Variants in LINGO2 observed in about 807,000 individuals in gnomAD.
The protein encoded by LINGO2 is leucine rich repeat and Ig domain containing 2.
A neutral mutation model predicts 30.6 loss-of-function variants in LINGO2; 14 were observed. The ratio of observed to expected loss-of-function variants is 0.46; its 90% CI spans 0.30 to 0.72. The LOEUF (loss-of-function observed/expected upper bound fraction) is 0.72. LINGO2 is among the 30% of genes least tolerant of loss of function. LINGO2 has a pLI of 0.07. For missense variants in LINGO2, 729 were observed against 751.7 expected (o/e 0.97, Z 0.35); for synonymous variants, 317 against 288.5 (o/e 1.10, Z -1.00).
At chr9:29,166,476 A>G in the LINGO2 span, among the ~76,000 whole-genome samples, 11 of 152,108 alleles carry the variant, frequency 7.2e-5, no homozygotes, top group African/African-American at 2.2e-4. Context: ...TTTGCCCCCA[A>G]TAGGCATTTG....
chr9:28,970,638 A>G, the LINGO2 span, among the ~76,000 whole-genome samples: 1 of 152,078 alleles, frequency 6.6e-6, no homozygotes, highest in African/African-American at 2.4e-5. Context: ...AGAAAAGAAA[A>G]CTAGACCAGA....
chr9:28,065,724 C>T (rs1337804116), intron 4 of LINGO2, among the ~76,000 whole-genome samples: 6 of 152,036 alleles, frequency 3.9e-5, no homozygotes. Context: ...ATGGTATAAA[C>T]CATAGTTTCC....
chr9:28,050,180 AAAG>A (rs1163824204), intron 4 of LINGO2, among the ~76,000 whole-genome samples: 2 of 150,590 alleles, frequency 1.3e-5, no homozygotes, highest in African/African-American at 4.9e-5. Context: ...TTCTGAATAA[AAAG>A]GAGGAACAAA....
intron 2 of LINGO2, among the ~76,000 whole-genome samples, chr9:28,431,791 T>A (rs900279233): frequency 1.3e-5 from 2 of 152,212 alleles, no homozygotes; most frequent in African/African-American, 4.8e-5. Flanking sequence ...TGGGCTATTT[T>A]AAATGTTTTA....
chr9:29,125,235 G>A, the LINGO2 span, among the ~76,000 whole-genome samples: 1 of 152,002 alleles, frequency 6.6e-6, no homozygotes, highest in Non-Finnish European at 1.5e-5. Context: ...ACAGGGAGGG[G>A]AATATCACAC....
At chr9:28,593,666 A>G (rs746431632) in intron 1 of LINGO2, among the ~76,000 whole-genome samples, 1 of 152,086 alleles carries the variant, frequency 6.6e-6, no homozygotes, top group Non-Finnish European at 1.5e-5. Context: ...TTAATCAAAA[A>G]TCAAAATAAA....
intron 1 of LINGO2, among the ~76,000 whole-genome samples, chr9:28,512,580 G>GATATATATATAT (rs1820433358): frequency 1.1e-5 from 1 of 87,120 alleles, no homozygotes; most frequent in Non-Finnish European, 2.1e-5. Flanking sequence ...GAACTAACAG[G>GATATATATATAT]ATATATATGT....
intron 5 of LINGO2, among the ~76,000 whole-genome samples, chr9:28,003,011 C>A (rs947351903): frequency 4.0e-5 from 6 of 151,600 alleles, no homozygotes; most frequent in African/African-American, 1.5e-4. Flanking sequence ...ACCTGTGACC[C>A]CCAAATGGAA....
Position 28,645,114 on chromosome 9 carries a change from G to A in LINGO2, c.-365+25086C>T, listed in dbSNP as rs141071506. ...ATACCACAGCTATATTCTCTTATCC[G>A]ATGGTTCTAAAATCCAGCTTCTAGG... is the stretch of plus-strand genomic sequence containing the variant. On this transcript the variant is annotated intron_variant, in intron 1 of 5. Coordinates refer to ENST00000379992, the Ensembl canonical transcript of LINGO2. 3.1e-3 allele frequency among the ~76,000 whole-genome samples: 470 copies of A among 152,038 alleles called. 1 individual carries two copies. The highest frequency in any genetic ancestry group is 8.9e-3 in the African/African-American group (368 of 41,476).
At chr9:28,936,799 C>A in the LINGO2 span, among the ~76,000 whole-genome samples, 1 of 152,112 alleles carries the variant, frequency 6.6e-6, no homozygotes, top group Non-Finnish European at 1.5e-5. Context: ...TCAGCTTGAG[C>A]TGGTATAACG....
At chr9:28,525,776 C>A (rs1019991859) in intron 1 of LINGO2, among the ~76,000 whole-genome samples, 1 of 152,086 alleles carries the variant, frequency 6.6e-6, no homozygotes, top group Non-Finnish European at 1.5e-5. Flanking sequence ...CATTGAAGGG[C>A]CGGGCGCAGT....
At chr9:28,989,504 T>A in the LINGO2 span, among the ~76,000 whole-genome samples, 1 of 152,174 alleles carries the variant, frequency 6.6e-6, no homozygotes, top group Non-Finnish European at 1.5e-5. Flanking sequence ...GATATTAGAC[T>A]AGAATCTAGA....
chr9:28,188,757 TA>T (rs1365687322), intron 4 of LINGO2, among the ~76,000 whole-genome samples: 1 of 152,164 alleles, frequency 6.6e-6, no homozygotes, highest in African/African-American at 2.4e-5. Flanking sequence ...TATATTCCCA[TA>T]ATTAATAAAT....
At chr9:28,897,583 T>A in the LINGO2 span, among the ~76,000 whole-genome samples, 2 of 152,132 alleles carry the variant, frequency 1.3e-5, no homozygotes, top group Non-Finnish European at 2.9e-5. Flanking sequence ...ATATGTGTAT[T>A]CTTGATCCAG....
At chr9:28,991,706 G>C in the LINGO2 span, among the ~76,000 whole-genome samples, 76 of 151,026 alleles carry the variant, frequency 5.0e-4, no homozygotes, top group African/African-American at 1.8e-3. Flanking sequence ...GTGGGGGCCA[G>C]TATTCAACAT....
chr9:27,954,199 T>C (rs547560596), intron 5 of LINGO2, among the ~76,000 whole-genome samples: 1 of 152,284 alleles, frequency 6.6e-6, no homozygotes, highest in East Asian at 1.9e-4. Flanking sequence ...CTTCTATGTG[T>C]TGGGAACATT....
At chr9:28,064,089 G>A (rs1177741263) in intron 4 of LINGO2, among the ~76,000 whole-genome samples, 1 of 152,048 alleles carries the variant, frequency 6.6e-6, no homozygotes, top group Non-Finnish European at 1.5e-5. Context: ...TTCAGTAGGG[G>A]GAGAAAAAAC....
intron 5 of LINGO2, among the ~76,000 whole-genome samples, chr9:27,975,485 C>T (rs1410261582): frequency 3.9e-5 from 6 of 152,028 alleles, no homozygotes; most frequent in Non-Finnish European, 4.4e-5. Flanking sequence ...ATTTCTACCT[C>T]ACAATATGAT....
intron 4 of LINGO2, among the ~76,000 whole-genome samples, chr9:28,179,386 G>A (rs1564022060): frequency 8.0e-6 from 1 of 125,052 alleles, no homozygotes; most frequent in Admixed American, 8.6e-5. Flanking sequence ...GCTATATATA[G>A]TATATATATA....
Sources: allele counts gnomAD v4.1 joint callset (sites outside exome capture counted in the v4.1 genomes callset), GRCh38; gene constraint gnomAD v4.1.1; transcripts MANE v1.5; gene names NCBI Gene and HGNC (gene_info 2026-07-23, HGNC 2026-07-21).